RBP4: variants seen among roughly 807,000 people sequenced by gnomAD.
The protein encoded by RBP4 is retinol-binding protein 4.
In RBP4, 9 loss-of-function variants were observed where a neutral mutation model predicts 26.2. The observed-to-expected ratio is 0.34, with a 90% confidence interval of 0.21 to 0.60. The LOEUF (loss-of-function observed/expected upper bound fraction) is 0.60. Among genes scored for constraint, RBP4 ranks in the 20% least tolerant of loss-of-function variants. The pLI is 0.80. For synonymous variants in RBP4, 114 were observed against 111.0 expected, an observed-to-expected ratio of 1.03 and a Z score of -0.17; for missense variants, 244 against 271.3, an observed-to-expected ratio of 0.90 and a Z score of 0.71.
chr10:93,600,576 T>G (rs2058329954), intron 3 of RBP4, 77 bp from the exon 4 acceptor site: 1 of 1,612,432 alleles, frequency 6.2e-7, no homozygotes, highest in East Asian at 2.2e-5. Context: ...GGTGCTCCCT[T>G]CCCTTCACAA....
At chr10:93,596,329 T>C (rs2058302709) in intron 4 of RBP4, among the ~76,000 whole-genome samples, 1 of 152,124 alleles carries the variant, frequency 6.6e-6, no homozygotes, top group South Asian at 2.1e-4. Flanking sequence ...AAGGCCTAAG[T>C]TGGTTTGGTT....
intron 1 of RBP4, 26 bp from the exon 2 acceptor site, chr10:93,601,072 GC>G: frequency 6.3e-7 from 1 of 1,597,218 alleles, no homozygotes; most frequent in Non-Finnish European, 8.5e-7. Flanking sequence ...CTCCGTCAGT[GC>G]CCGGCAGCCG....
At chr10:93,598,456 C>T (rs1244612756) in intron 4 of RBP4, among the ~76,000 whole-genome samples, 4 of 152,146 alleles carry the variant, frequency 2.6e-5, no homozygotes, top group South Asian at 2.1e-4. Flanking sequence ...TTTAACCGGG[C>T]GGGCTTAACT....
Position 93,600,974 on chromosome 10 carries a change from C to G in RBP4, c.55G>C (p.Glu19Gln), listed in dbSNP as rs1218547712. The G allele has an allele frequency of 2.5e-6, 4 of 1,612,220 alleles. No individual in the cohort carries two copies. Among genetic ancestry groups the G allele is most frequent in the Non-Finnish European group, 3.4e-6 (4 of 1,179,742 alleles). ...LLAALGSGRA[E>Q]RDCRVSSFRV... ...AAGCTGCTCACTCGGCAGTCGCGCTCCGCGCGGCCGCTGCCCAGCGCCGCC... is the reference window on the plus strand; with the variant it reads ...AAGCTGCTCACTCGGCAGTCGCGCTGCGCGCGGCCGCTGCCCAGCGCCGCC... Residue 19 changes from glutamate to glutamine, a missense_variant, in exon 2 of 6, where the codon GAG becomes CAG. Glu to Gln is a conservative substitution (Grantham distance 29). Transcript: ENST00000371464.
Position 93,592,062 on chromosome 10 carries a change from A to G in RBP4, c.*13T>C, listed in dbSNP as rs368664616. ...ATCAGAAGTTCTCAGATGAAACTAG[A>G]TTCTTGATATTGCTACAAAAGGTTT... is the stretch of plus-strand genomic sequence containing the variant. On this transcript the variant is annotated 3_prime_UTR_variant, in exon 6 of 6. Coordinates refer to ENST00000371464, the MANE Select transcript of RBP4 (RefSeq NM_006744.4). 5 of 1,610,140 alleles carry G rather than the reference A, an allele frequency of 3.1e-6. No homozygotes were observed. In the African/African-American group the frequency reaches 5.3e-5, roughly 17 times the overall value.
chr10:93,600,889 C>A, intron 2 of RBP4, 29 bp downstream of exon 2: 1 of 1,610,488 alleles, frequency 6.2e-7, no homozygotes, highest in Non-Finnish European at 8.5e-7. Flanking sequence ...GGGACCTGGG[C>A]CGCCTGGGCC....
intron 5 of RBP4, 83 bp downstream of exon 5, chr10:93,593,740 T>C (rs2058282105): frequency 6.8e-7 from 1 of 1,468,100 alleles, no homozygotes; most frequent in African/African-American, 1.4e-5. Flanking sequence ...ACGGACAAAA[T>C]GAATTTCACT....
Position 93,601,057 on chromosome 10 carries a change from C to T in RBP4, c.-18-11G>A, listed in dbSNP as rs753882149. On this transcript the variant is annotated splice_polypyrimidine_tract_variant and intron_variant, in intron 1 of 5. Transcript: ENST00000371464. ...GCCCAGGAATCCGCCCTGCGGGAGA[C>T]GCGCCTCCGTCAGTGCCCGGCAGCC... The T allele has an allele frequency of 6.2e-7, 1 of 1,603,934 alleles. No homozygotes were observed. Among genetic ancestry groups the T allele is most frequent in the South Asian group, 1.1e-5 (1 of 91,048 alleles).
intron 4 of RBP4, among the ~76,000 whole-genome samples, chr10:93,596,349 G>A (rs546326061): frequency 6.6e-6 from 1 of 152,088 alleles, no homozygotes; most frequent in Admixed American, 6.5e-5. Context: ...TAATCTCCAG[G>A]CTCTTTTGGC....
At chr10:93,596,084 G>A (rs2058300810) in intron 4 of RBP4, among the ~76,000 whole-genome samples, 1 of 151,990 alleles carries the variant, frequency 6.6e-6, no homozygotes, top group South Asian at 2.1e-4. Flanking sequence ...TCTTTCCCTG[G>A]TTACGAGGAT....
In RBP4 at chr10:93,593,991, C is replaced by T. The variant is rs557609728; in HGVS notation, c.400G>A (p.Val134Met). 1.4e-5 allele frequency: 22 copies of T among 1,613,872 alleles called. No homozygotes were observed. Among genetic ancestry groups the T allele is most frequent in the Middle Eastern group, 1.7e-4 (1 of 6,060 alleles). The stretch of plus-strand genomic sequence containing the variant: ...TTCAGGAGGCGGCAGGAGTACTGCA[C>T]GGCATACGTGTCGTAGTCTGTGTCG... ...IVDTDYDTYA[V>M]QYSCRLLNLD... The change falls in exon 5 of 6, where the codon GTG (valine) becomes ATG (methionine). Residue 134 changes from valine (V) to methionine (M), a missense_variant. By Grantham distance (21) the Val-to-Met change is conservative (BLOSUM62 1). Coordinates refer to ENST00000371464, the MANE Select transcript of RBP4 (RefSeq NM_006744.4).
Position 93,594,015 on chromosome 10 carries a change from C to T in RBP4, c.376G>A (p.Asp126Asn), listed in dbSNP as rs752204198. ...QKGNDDHWIV[D>N]TDYDTYAVQY... The stretch of plus-strand genomic sequence containing the variant: ...ACGGCATACGTGTCGTAGTCTGTGT[C>T]GACGATCCAGTGGTCATCATCTGCA... The change falls in exon 5 of 6, where the codon GAC becomes AAC. Residue 126 changes from aspartate (D) to asparagine (N), a missense_variant. Asp to Asn is a conservative substitution (Grantham distance 23, BLOSUM62 1). Transcript: ENST00000371464. 5.0e-6 allele frequency: 8 copies of T among 1,613,608 alleles called. No homozygotes were observed. Among genetic ancestry groups the T allele is most frequent in the South Asian group, 1.1e-5 (1 of 91,072 alleles).
intron 4 of RBP4, among the ~76,000 whole-genome samples, chr10:93,596,400 T>C (rs1480785453): frequency 1.3e-5 from 2 of 152,180 alleles, no homozygotes; most frequent in East Asian, 3.9e-4. Flanking sequence ...ATAGTGACCT[T>C]GACCAGGCTC....
At chr10:93,601,736 A>T, upstream of RBP4, 1 of 776,332 alleles carries the variant, frequency 1.3e-6, no homozygotes, top group Non-Finnish European at 2.4e-6. Flanking sequence ...TTTTCATTTT[A>T]TAAAGGATGT....
intron 5 of RBP4, 62 bp downstream of exon 5, chr10:93,593,761 C>A: frequency 1.9e-6 from 3 of 1,545,040 alleles, no homozygotes; most frequent in Non-Finnish European, 2.7e-6. Flanking sequence ...AGCACGTGGG[C>A]CCCTTAGTCC....
Position 93,592,072 on chromosome 10 carries a change from T to C in RBP4, c.*3A>G. The C allele has an allele frequency of 1.2e-6, 2 of 1,612,882 alleles. No homozygotes were observed. The highest frequency in any genetic ancestry group is 1.7e-6 in the Non-Finnish European group (2 of 1,178,818). ...CTCAGATGAAACTAGATTCTTGATA[T>C]TGCTACAAAAGGTTTCTTTCTGATC... On this transcript the variant is annotated 3_prime_UTR_variant, in exon 6 of 6. Coordinates refer to ENST00000371464, the MANE Select transcript of RBP4 (RefSeq NM_006744.4).
At chr10:93,593,488 T>C (rs2058280163) in intron 5 of RBP4, among the ~76,000 whole-genome samples, 1 of 151,766 alleles carries the variant, frequency 6.6e-6, no homozygotes, top group African/African-American at 2.4e-5. Context: ...TCCCAAACAA[T>C]CTTAATTCAG....
At chr10:93,593,756 G>C in intron 5 of RBP4, 67 bp downstream of exon 5, 1 of 1,522,640 alleles carries the variant, frequency 6.6e-7, no homozygotes, top group East Asian at 2.2e-5. Context: ...TCACTAGCAC[G>C]TGGGCCCCTT....
At chr10:93,595,083 T>C (rs1331800201) in intron 4 of RBP4, among the ~76,000 whole-genome samples, 1 of 152,040 alleles carries the variant, frequency 6.6e-6, no homozygotes, top group Non-Finnish European at 1.5e-5. Context: ...AAGGCTACAA[T>C]GAGCTAGGTT....
Sources: gnomAD v4.1 joint callset for allele counts (sites outside exome capture counted in the v4.1 genomes callset) on GRCh38, gnomAD v4.1.1 for gene constraint, MANE v1.5 for transcripts, NCBI Gene and HGNC (gene_info 2026-07-23, HGNC 2026-07-21) for gene names.